Variants in PSMB7 observed in about 807,000 individuals in gnomAD.
PSMB7 encodes the protein proteasome subunit beta type-7.
Under a neutral mutation model 28.1 loss-of-function variants are expected in PSMB7, and 5 were observed. The ratio of observed to expected loss-of-function variants is 0.18; its 90% CI spans 0.09 to 0.37. The LOEUF (loss-of-function observed/expected upper bound fraction) is 0.37. Ranked by LOEUF, PSMB7 falls within the 10% of genes least tolerant of loss-of-function variation. PSMB7 has a pLI of 1.00. For synonymous variants in PSMB7, 122 were observed against 123.7 expected, an observed-to-expected ratio of 0.99 and a Z score of 0.09; for missense variants, 275 against 346.2, an observed-to-expected ratio of 0.79 and a Z score of 1.63.
At chr9:124,410,857 C>T (rs1185068275) in intron 4 of PSMB7, among the ~76,000 whole-genome samples, 1 of 152,186 alleles carries the variant, frequency 6.6e-6, no homozygotes, top group African/African-American at 2.4e-5. Context: ...GTGAAGTGAG[C>T]CAGGCAGAGA....
chr9:124,407,163 G>A (rs749899260), intron 4 of PSMB7, among the ~76,000 whole-genome samples: 5 of 152,112 alleles, frequency 3.3e-5, no homozygotes, highest in African/African-American at 1.2e-4. Flanking sequence ...TTTGCCAAAC[G>A]ATGTAATCAT....
At chr9:124,370,116 G>C (rs370056691) in intron 6 of PSMB7, among the ~76,000 whole-genome samples, 1 of 152,156 alleles carries the variant, frequency 6.6e-6, no homozygotes, top group Non-Finnish European at 1.5e-5. Context: ...GGCAACTCCA[G>C]TGGCAACACA....
chr9:124,379,367 C>T (rs895955304), intron 6 of PSMB7, among the ~76,000 whole-genome samples: 9 of 151,896 alleles, frequency 5.9e-5, no homozygotes, highest in African/African-American at 2.2e-4. Context: ...AGTCACCATG[C>T]TAGGGCAAGG....
rs770982678 is a variant in PSMB7 at position 124,353,622 on chromosome 9, T to C, written c.810A>G (p.Thr270=). The change falls in exon 8 of 8, where the codon ACA becomes ACG. Residue 270 remains threonine (T), a synonymous_variant. Coordinates refer to ENST00000259457, the MANE Select transcript of PSMB7 (RefSeq NM_002799.4). ...TTCAGGAAGTGTCCATTGTTTGGAC[T>C]GTTTCTTCCAGCACCTCAATCTCCA... ...TPLEIEVLEE[T]VQTMDTS 10 of 1,613,432 alleles carry C rather than the reference T, an allele frequency of 6.2e-6. No individual in the cohort carries two copies. Among genetic ancestry groups the C allele is most frequent in the Non-Finnish European group, 8.5e-7 (1 of 1,179,538 alleles).
intron 5 of PSMB7, among the ~76,000 whole-genome samples, chr9:124,394,334 G>C (rs532113427): frequency 1.3e-5 from 2 of 152,338 alleles, no homozygotes; most frequent in Admixed American, 1.3e-4. Flanking sequence ...AAGGCATCAA[G>C]CACTAGGTCA....
intron 6 of PSMB7, among the ~76,000 whole-genome samples, chr9:124,380,304 C>T (rs1830652071): frequency 6.6e-6 from 1 of 152,188 alleles, no homozygotes; most frequent in South Asian, 2.1e-4. Context: ...AAAATATAGG[C>T]TGGCCATGGT....
intron 5 of PSMB7, among the ~76,000 whole-genome samples, chr9:124,400,005 G>C (rs1199480953): frequency 1.3e-5 from 2 of 152,142 alleles, no homozygotes; most frequent in Non-Finnish European, 2.9e-5. Flanking sequence ...CCCGAGGCCT[G>C]CTTTCCAGCC....
intron 3 of PSMB7, among the ~76,000 whole-genome samples, chr9:124,412,990 C>T (rs1210669364): frequency 2.7e-5 from 4 of 150,858 alleles, no homozygotes; most frequent in South Asian, 2.1e-4. Context: ...TACGGGAAAC[C>T]GGAGGAGAAG....
chr9:124,365,849 A>G (rs1346463632), intron 6 of PSMB7, among the ~76,000 whole-genome samples: 2 of 152,206 alleles, frequency 1.3e-5, no homozygotes, highest in Non-Finnish European at 2.9e-5. Flanking sequence ...TGGGAGGTTC[A>G]GGTTGCAGTG....
At chr9:124,383,190 T>C (rs1248834862) in intron 6 of PSMB7, among the ~76,000 whole-genome samples, 1 of 152,270 alleles carries the variant, frequency 6.6e-6, no homozygotes, top group East Asian at 1.9e-4. Context: ...GAAGGCCAAA[T>C]AGAAAATAAT....
chr9:124,393,180 C>T (rs1830807719), intron 5 of PSMB7, among the ~76,000 whole-genome samples: 1 of 152,158 alleles, frequency 6.6e-6, no homozygotes, highest in Admixed American at 6.5e-5. Context: ...CACCAGGGGA[C>T]CATATCCAGC....
At chr9:124,371,668 A>G (rs1423828067) in intron 6 of PSMB7, among the ~76,000 whole-genome samples, 1 of 152,218 alleles carries the variant, frequency 6.6e-6, no homozygotes, top group Non-Finnish European at 1.5e-5. Flanking sequence ...TGTACCTGAG[A>G]CCCAAGTTAG....
At chr9:124,401,863 A>G (rs1304610415) in intron 5 of PSMB7, among the ~76,000 whole-genome samples, 2 of 152,100 alleles carry the variant, frequency 1.3e-5, no homozygotes, top group African/African-American at 4.8e-5. Flanking sequence ...TACTAAAAAT[A>G]CAAAAATTAG....
chr9:124,371,487 A>T, intron 6 of PSMB7, among the ~76,000 whole-genome samples: 1 of 152,148 alleles, frequency 6.6e-6, no homozygotes, highest in East Asian at 1.9e-4. Flanking sequence ...AGTGGTTATG[A>T]TTCCAAATTT....
intron 6 of PSMB7, among the ~76,000 whole-genome samples, chr9:124,376,493 G>A (rs749894874): frequency 6.6e-6 from 1 of 152,046 alleles, no homozygotes; most frequent in Non-Finnish European, 1.5e-5. Context: ...AAACTTTTCT[G>A]TTCCTGGGTT....
chr9:124,410,794 A>G (rs139024623), intron 4 of PSMB7, among the ~76,000 whole-genome samples: 1 of 152,312 alleles, frequency 6.6e-6, no homozygotes, highest in African/African-American at 2.4e-5. Context: ...CATGCTAGAC[A>G]CATAGATGAG....
chr9:124,360,797 T>C (rs1830458238), intron 6 of PSMB7, among the ~76,000 whole-genome samples: 1 of 152,210 alleles, frequency 6.6e-6, no homozygotes, highest in African/African-American at 2.4e-5. Context: ...CTGAGTTTAC[T>C]CTCCCGCTCT....
At chr9:124,405,778 G>C (rs1247417617) in intron 4 of PSMB7, among the ~76,000 whole-genome samples, 2 of 152,082 alleles carry the variant, frequency 1.3e-5, no homozygotes, top group South Asian at 2.1e-4. Context: ...ACCTCCCCAG[G>C]CTCAAGCAAT....
chr9:124,381,286 T>C (rs990133190), intron 6 of PSMB7, among the ~76,000 whole-genome samples: 17 of 152,208 alleles, frequency 1.1e-4, no homozygotes, highest in Non-Finnish European at 2.2e-4. Flanking sequence ...CAGAAAGACT[T>C]TGGGCTTCCT....
Sources: allele counts gnomAD v4.1 joint callset (sites outside exome capture counted in the v4.1 genomes callset), GRCh38; gene constraint gnomAD v4.1.1; transcripts MANE v1.5; gene names NCBI Gene and HGNC (gene_info 2026-07-23, HGNC 2026-07-21).